The following NTM variants were observed in gnomAD, a reference collection of about 807,000 sequenced individuals.
NTM encodes the protein IgLON family member 2.
Under a neutral mutation model 42.1 loss-of-function variants are expected in NTM, and 13 were observed. The observed-to-expected ratio is 0.31, with a 90% CI of 0.20 to 0.49. The LOEUF is 0.49. Among genes scored for constraint, NTM ranks in the 20% least tolerant of loss-of-function variants. The probability of loss-of-function intolerance (pLI) is 0.99; values close to 1 mark genes in which losing one functional copy is unlikely to be tolerated. For missense variants in NTM, 373 were observed against 452.8 expected (o/e 0.82, Z 1.60); for synonymous variants, 187 against 179.2 (o/e 1.04, Z -0.35).
intron 1 of NTM, among the ~76,000 whole-genome samples, chr11:131,894,771 AT>A (rs2051992302): frequency 6.6e-6 from 1 of 152,118 alleles, no homozygotes; most frequent in African/African-American, 2.4e-5. Context: ...TTCCTGATGC[AT>A]TTTTCATCAT....
At chr11:131,483,272 G>T (rs1295607693) in intron 1 of NTM, among the ~76,000 whole-genome samples, 1 of 152,110 alleles carries the variant, frequency 6.6e-6, no homozygotes, top group African/African-American at 2.4e-5. Flanking sequence ...TTTAAAAACT[G>T]GAGTGTGTTG....
intron 1 of NTM, among the ~76,000 whole-genome samples, chr11:131,730,430 C>T (rs2135477716): frequency 6.6e-6 from 1 of 152,196 alleles, no homozygotes; most frequent in Non-Finnish European, 1.5e-5. Context: ...AGTAGGAAGA[C>T]AAGGCCAGGT....
chr11:131,823,752 C>A (rs1185713099), intron 1 of NTM, among the ~76,000 whole-genome samples: 1 of 152,164 alleles, frequency 6.6e-6, no homozygotes, highest in Non-Finnish European at 1.5e-5. Context: ...CAAAACAAAA[C>A]ACCTTTGGGT....
intron 4 of NTM, among the ~76,000 whole-genome samples, chr11:132,244,499 T>C (rs2090745474): frequency 6.6e-6 from 1 of 152,214 alleles, no homozygotes; most frequent in East Asian, 1.9e-4. Flanking sequence ...CCCCAGGTGA[T>C]TCTTGGGTGG....
At chr11:132,287,725 TAGAG>T (rs761726005) in intron 4 of NTM, among the ~76,000 whole-genome samples, 11 of 152,174 alleles carry the variant, frequency 7.2e-5, no homozygotes, top group Non-Finnish European at 1.5e-4. Flanking sequence ...AGGATTCTGA[TAGAG>T]AAAGAAAAAA....
chr11:132,169,736 G>A (rs2075864472), intron 3 of NTM, among the ~76,000 whole-genome samples: 2 of 152,154 alleles, frequency 1.3e-5, no homozygotes, highest in African/African-American at 4.8e-5. Flanking sequence ...AGACAAGCAT[G>A]AGAAAAGAAA....
intron 1 of NTM, among the ~76,000 whole-genome samples, chr11:131,420,538 A>G (rs116248968): frequency 0.015 from 2,227 of 152,296 alleles, 51 homozygotes; most frequent in African/African-American, 0.051. Context: ...TAACATAGAC[A>G]GCAATGCTGA....
chr11:131,533,115 T>A (rs555889070), intron 1 of NTM, among the ~76,000 whole-genome samples: 1 of 152,206 alleles, frequency 6.6e-6, no homozygotes, highest in Non-Finnish European at 1.5e-5. Flanking sequence ...CTTGTTCTTA[T>A]ACATTTTCCT....
intron 2 of NTM, among the ~76,000 whole-genome samples, chr11:131,964,662 T>C (rs535817826): frequency 6.6e-6 from 1 of 152,292 alleles, no homozygotes; most frequent in Non-Finnish European, 1.5e-5. Flanking sequence ...CTGTTAGGCA[T>C]CATTGTCCCT....
chr11:131,660,187 C>T (rs902764723), intron 1 of NTM: 4 of 255,116 alleles, frequency 1.6e-5, no homozygotes, highest in Non-Finnish European at 3.3e-5. Flanking sequence ...CCGTAGGACT[C>T]GGGTGGGCCA....
At chr11:131,884,384 GA>G (rs1343169574) in intron 1 of NTM, among the ~76,000 whole-genome samples, 1 of 151,876 alleles carries the variant, frequency 6.6e-6, no homozygotes, top group Non-Finnish European at 1.5e-5. Context: ...ACTCCAGCCT[GA>G]GCAACAAGAG....
intron 1 of NTM, among the ~76,000 whole-genome samples, chr11:131,686,649 G>A (rs1315261561): frequency 6.6e-6 from 1 of 152,150 alleles, no homozygotes; most frequent in African/African-American, 2.4e-5. Flanking sequence ...AAGTGGATCC[G>A]TGCAGTTCAA....
At chr11:131,892,429 G>T (rs931168168) in intron 1 of NTM, among the ~76,000 whole-genome samples, 1 of 152,220 alleles carries the variant, frequency 6.6e-6, no homozygotes, top group African/African-American at 2.4e-5. Context: ...TGTGCACATA[G>T]TGCATCACTC....
intron 1 of NTM, among the ~76,000 whole-genome samples, chr11:131,467,941 A>G (rs770193588): frequency 1.3e-5 from 2 of 152,118 alleles, no homozygotes; most frequent in African/African-American, 2.4e-5. Context: ...TCCTCTGTCT[A>G]TGGGATTCTG....
chr11:131,389,029 G>A (rs912950578), intron 1 of NTM, among the ~76,000 whole-genome samples: 3 of 126,672 alleles, frequency 2.4e-5, no homozygotes, highest in Non-Finnish European at 5.1e-5. Context: ...AAAAAAAAAA[G>A]AAAAGAAAAG....
chr11:131,668,716 T>G (rs1042081674), intron 1 of NTM, among the ~76,000 whole-genome samples: 1 of 152,100 alleles, frequency 6.6e-6, no homozygotes, highest in Non-Finnish European at 1.5e-5. Context: ...TTCTGGGTAA[T>G]AAGAAGGAGC....
intron 1 of NTM, among the ~76,000 whole-genome samples, chr11:131,386,768 C>T (rs1458434269): frequency 1.3e-5 from 2 of 152,168 alleles, no homozygotes; most frequent in African/African-American, 4.8e-5. Context: ...CCAGAGAATC[C>T]TGTGCAGTAT....
intron 1 of NTM, among the ~76,000 whole-genome samples, chr11:131,702,562 GT>G (rs2076182136): frequency 6.6e-6 from 1 of 152,154 alleles, no homozygotes. Context: ...GCATGGAGAG[GT>G]GCATCATGGG....
intron 4 of NTM, among the ~76,000 whole-genome samples, chr11:132,295,132 T>C (rs1565410021): frequency 6.6e-6 from 1 of 151,786 alleles, no homozygotes; most frequent in Non-Finnish European, 1.5e-5. Context: ...TCTGTCTCTC[T>C]CACACACACA....
Sources: gnomAD v4.1 joint callset for allele counts (sites outside exome capture counted in the v4.1 genomes callset) on GRCh38, gnomAD v4.1.1 for gene constraint, MANE v1.5 for transcripts, NCBI Gene and HGNC (gene_info 2026-07-23, HGNC 2026-07-21) for gene names.